Variants in AHCYL2 observed in about 807,000 individuals in gnomAD.
AHCYL2 encodes adenosylhomocysteinase like 2, also known as S-adenosylhomocysteine hydrolase-like protein 2.
AHCYL2 carries 28 observed loss-of-function variants against 81.4 expected under a neutral mutation model. The observed-to-expected ratio is 0.34, with a 90% CI of 0.25 to 0.47. AHCYL2 has a LOEUF of 0.47. Among genes scored for constraint, AHCYL2 ranks in the 20% least tolerant of loss-of-function variants. The pLI, the probability that AHCYL2 is intolerant of heterozygous loss-of-function variation, is 1.00. For synonymous variants in AHCYL2, 272 were observed against 290.2 expected, an observed-to-expected ratio of 0.94 and a Z score of 0.64; for missense variants, 551 against 785.1, an observed-to-expected ratio of 0.70 and a Z score of 3.56.
rs1278254619 is a variant in AHCYL2, at chr7:129,406,757, C to T, written c.1295+291C>T. On this transcript the variant is annotated intron_variant, in intron 10 of 16. Coordinates refer to ENST00000325006, the MANE Select transcript of AHCYL2 (RefSeq NM_015328.4). The surrounding 1 kb of genome is among the most constrained non-coding windows in gnomAD (Gnocchi z 4.3). The stretch of plus-strand genomic sequence containing the variant: ...TGATACTTGCCTTTCAAATAATGAT[C>T]AGAAAAGAAATTGGCAGGCATCAGA... Among the ~76,000 whole-genome samples the T allele has an allele frequency of 1.3e-5, 2 of 152,130 alleles. No homozygotes were observed. The highest frequency in any genetic ancestry group is 4.8e-5 in the African/African-American group (2 of 41,422).
rs574956898 is a variant in AHCYL2, at chr7:129,250,176, G to A, written c.363+24737G>A. Among the ~76,000 whole-genome samples, 277 of 152,170 alleles carry A rather than the reference G, an allele frequency of 1.8e-3. 1 individual carries two copies. The highest frequency in any genetic ancestry group is 6.4e-3 in the African/African-American group (266 of 41,538). ...TAGCTGGGCATGGTGGTGTGCAATT[G>A]TAGTCCTAGTTACCTGGGAGGCTGA... On this transcript the variant is annotated intron_variant, in intron 1 of 16. Coordinates refer to ENST00000325006, the MANE Select transcript of AHCYL2 (RefSeq NM_015328.4).
intron 1 of AHCYL2, among the ~76,000 whole-genome samples, chr7:129,347,796 G>A (rs536370996): frequency 6.6e-6 from 1 of 152,228 alleles, no homozygotes; most frequent in Non-Finnish European, 1.5e-5. Context: ...ATTAAAAGGC[G>A]TTTATTTCAC....
intron 1 of AHCYL2, among the ~76,000 whole-genome samples, chr7:129,263,708 G>A (rs1795719905): frequency 6.6e-6 from 1 of 152,174 alleles, no homozygotes; most frequent in Non-Finnish European, 1.5e-5. Context: ...GATCAGATGT[G>A]CATTTTAGCA....
chr7:129,411,557 C>T (rs1796576093), intron 11 of AHCYL2, among the ~76,000 whole-genome samples: 1 of 152,010 alleles, frequency 6.6e-6, no homozygotes, highest in Non-Finnish European at 1.5e-5. Flanking sequence ...GTCAGGAGTT[C>T]GAGACCAGCC....
At chr7:129,250,374 G>A (rs1795208605) in intron 1 of AHCYL2, among the ~76,000 whole-genome samples, 1 of 152,178 alleles carries the variant, frequency 6.6e-6, no homozygotes. Context: ...CTTGATTACA[G>A]TTGATTATTG....
At chr7:129,372,969 TTTACTCACG>T (rs1377314282) in intron 1 of AHCYL2, among the ~76,000 whole-genome samples, 1 of 152,188 alleles carries the variant, frequency 6.6e-6, no homozygotes, top group African/African-American at 2.4e-5. Context: ...TCAGGGCTGC[TTTACTCACG>T]CTTGGAGAAA....
At chr7:129,245,286 A>T (rs2150695184) in intron 1 of AHCYL2, among the ~76,000 whole-genome samples, 1 of 152,270 alleles carries the variant, frequency 6.6e-6, no homozygotes, top group Admixed American at 6.5e-5. Flanking sequence ...CAGCCTCCCA[A>T]AGTGCTGGGA....
At chr7:129,293,328 T>C (rs1336320507) in intron 1 of AHCYL2, among the ~76,000 whole-genome samples, 10 of 152,204 alleles carry the variant, frequency 6.6e-5, no homozygotes, top group Admixed American at 6.5e-4. Flanking sequence ...CACATAAAAG[T>C]TATATACAAA....
chr7:129,331,544 CATT>C (rs1450536012), intron 1 of AHCYL2, among the ~76,000 whole-genome samples: 3 of 152,094 alleles, frequency 2.0e-5, no homozygotes, highest in Non-Finnish European at 2.9e-5. Flanking sequence ...GTTCTAAGTA[CATT>C]ATTATTTAAT....
rs1183194153 is a variant in AHCYL2 at position 129,288,217 on chromosome 7, G to GT, written c.363+62784dup. 2.0e-5 allele frequency among the ~76,000 whole-genome samples: 3 copies of GT among 151,880 alleles called. No homozygotes were observed. In the East Asian group the frequency reaches 5.8e-4, roughly 29 times the overall value. ...CTTCTCCCCTGCTTTTTGTTTTGCA[G>GT]TTTTTTGTTGTAGAAATCAAGTCAT... On this transcript the variant is annotated intron_variant, in intron 1 of 16. Coordinates refer to ENST00000325006, the MANE Select transcript of AHCYL2 (RefSeq NM_015328.4).
intron 5 of AHCYL2, among the ~76,000 whole-genome samples, chr7:129,398,260 C>T (rs928447268): frequency 6.7e-6 from 1 of 150,220 alleles, no homozygotes; most frequent in Non-Finnish European, 1.5e-5. Context: ...ATCCTCCTGC[C>T]TCATCCTCCC....
intron 1 of AHCYL2, among the ~76,000 whole-genome samples, chr7:129,268,933 A>G (rs1795907111): frequency 6.6e-6 from 1 of 152,058 alleles, no homozygotes; most frequent in South Asian, 2.1e-4. Context: ...TTAATTTTGG[A>G]ACATTTTCAT....
At chr7:129,364,406 T>C (rs1227597715) in intron 1 of AHCYL2, among the ~76,000 whole-genome samples, 3 of 152,200 alleles carry the variant, frequency 2.0e-5, no homozygotes, top group Admixed American at 2.0e-4. Context: ...TTCTCCTGCC[T>C]CAGCCTCCTG....
intron 1 of AHCYL2, among the ~76,000 whole-genome samples, chr7:129,317,919 A>G (rs1376520202): frequency 6.6e-6 from 1 of 151,738 alleles, no homozygotes; most frequent in Non-Finnish European, 1.5e-5. Context: ...TCCTCTAGAT[A>G]AACAAAAATT....
chr7:129,276,432 T>TTAA (rs1554473289), intron 1 of AHCYL2, among the ~76,000 whole-genome samples: 1 of 148,178 alleles, frequency 6.7e-6, no homozygotes, highest in Non-Finnish European at 1.5e-5. Flanking sequence ...AAGGGAAGAA[T>TTAA]AAAAAAAAAA....
chr7:129,402,153 C>T (rs183723360), intron 6 of AHCYL2, among the ~76,000 whole-genome samples: 16 of 152,262 alleles, frequency 1.1e-4, no homozygotes, highest in African/African-American at 3.6e-4. Context: ...ATCAGGGATT[C>T]CATACATGGA....
rs1797646052 is a variant in AHCYL2, at chr7:129,311,216, A to C, written c.364-68422A>C. Among the ~76,000 whole-genome samples the C allele has an allele frequency of 2.0e-5, 3 of 152,306 alleles. No homozygotes were observed. In the South Asian group the frequency reaches 6.2e-4, roughly 32 times the overall value. On this transcript the variant is annotated intron_variant, in intron 1 of 16. Transcript: ENST00000325006. ...AGAAGAAGGGAATAAAAATGGACTG[A>C]AGTCCTTGAAAAGAAAGAAAGGAAC...
chr7:129,320,074 A>C (rs1797961248), intron 1 of AHCYL2, among the ~76,000 whole-genome samples: 1 of 152,124 alleles, frequency 6.6e-6, no homozygotes, highest in Admixed American at 6.6e-5. Flanking sequence ...TAGTCGTTCT[A>C]ATGGGTGTGT....
At chr7:129,311,181 C>T (rs1797645278) in intron 1 of AHCYL2, among the ~76,000 whole-genome samples, 2 of 150,674 alleles carry the variant, frequency 1.3e-5, no homozygotes, top group Non-Finnish European at 2.9e-5. Flanking sequence ...AGGAAGAAAG[C>T]AAGATTGGAA....
Sources: allele counts gnomAD v4.1 joint callset (sites outside exome capture counted in the v4.1 genomes callset), GRCh38; gene constraint gnomAD v4.1.1; non-coding constraint Gnocchi (gnomAD v3.1); transcripts MANE v1.5; gene names NCBI Gene and HGNC (gene_info 2026-07-23, HGNC 2026-07-21).